The following TMEM39B variants were observed in gnomAD, a reference collection of about 807,000 sequenced individuals.
TMEM39B encodes the protein transmembrane protein 39B.
TMEM39B carries 23 observed loss-of-function variants against 52.2 expected under a neutral mutation model. The ratio of observed to expected loss-of-function variants is 0.44; its 90% CI spans 0.32 to 0.62. TMEM39B has a LOEUF of 0.62. TMEM39B is among the 20% of genes least tolerant of loss of function. TMEM39B has a pLI of 0.06. For missense variants in TMEM39B, 547 were observed against 642.0 expected, an observed-to-expected ratio of 0.85 and a Z score of 1.60; for synonymous variants, 285 against 264.0, an observed-to-expected ratio of 1.08 and a Z score of -0.77.
At chr1:32,079,967 C>T (rs552765165) in intron 5 of TMEM39B, among the ~76,000 whole-genome samples, 2 of 152,076 alleles carry the variant, frequency 1.3e-5, no homozygotes, top group South Asian at 4.2e-4. Context: ...TGGGGTTTCT[C>T]CATGTTGGTC....
rs574565497 is a variant in TMEM39B, at chr1:32,073,525, G to T, written c.4+474G>T. The T allele has an allele frequency of 3.0e-6, 3 of 998,438 alleles. No homozygotes were observed. In the African/African-American group the frequency reaches 5.2e-5, roughly 17 times the overall value. The allele number at this position is 998,438 out of a possible 1,614,324, so 61.8% of individuals were successfully genotyped here. On this transcript the variant is annotated intron_variant, in intron 1 of 8. Transcript: ENST00000336294. ...TATTGGCTTGTGGGCGGGGTTTCTG[G>T]GCTGACAGTTGTGTGTAGGCGGAGC...
At chr1:32,084,691 T>C (rs1260645729) in intron 5 of TMEM39B, among the ~76,000 whole-genome samples, 1 of 152,066 alleles carries the variant, frequency 6.6e-6, no homozygotes, top group Non-Finnish European at 1.5e-5. Context: ...TGCCTCAGCC[T>C]CCTGAGTAGC....
chr1:32,088,141 G>A (rs1278177224), intron 5 of TMEM39B, among the ~76,000 whole-genome samples: 1 of 129,782 alleles, frequency 7.7e-6, no homozygotes, highest in Non-Finnish European at 1.6e-5. Flanking sequence ...AAAAAAGCCA[G>A]GCACGGTGGC....
intron 1 of TMEM39B, 102 bp downstream of exon 1, chr1:32,073,153 G>A (rs1639704896): frequency 3.0e-6 from 4 of 1,334,038 alleles, no homozygotes; most frequent in East Asian, 3.1e-5. Flanking sequence ...GCCCGGTGAC[G>A]GGAGGGGGAG....
chr1:32,097,177 C>T (rs1320419691), intron 7 of TMEM39B, among the ~76,000 whole-genome samples: 1 of 152,038 alleles, frequency 6.6e-6, no homozygotes, highest in Non-Finnish European at 1.5e-5. Flanking sequence ...ACCCCTCATT[C>T]AAGATATAGA....
intron 5 of TMEM39B, among the ~76,000 whole-genome samples, chr1:32,083,572 G>A (rs529099081): frequency 2.6e-5 from 4 of 151,194 alleles, no homozygotes; most frequent in African/African-American, 7.3e-5. Flanking sequence ...ACACGCGCCC[G>A]CCACCACGCC....
intron 7 of TMEM39B, among the ~76,000 whole-genome samples, chr1:32,096,378 C>T (rs904956924): frequency 1.3e-5 from 2 of 151,384 alleles, no homozygotes; most frequent in Admixed American, 6.6e-5. Context: ...AGTTACCTGC[C>T]TGTCATTTCA....
At chr1:32,085,176 A>G (rs1640288087) in intron 5 of TMEM39B, among the ~76,000 whole-genome samples, 1 of 151,846 alleles carries the variant, frequency 6.6e-6, no homozygotes, top group Admixed American at 6.6e-5. Context: ...TTCCTTTGAT[A>G]TTTCTTTGAT....
chr1:32,073,114 C>T (rs1639703526), intron 1 of TMEM39B, 63 bp downstream of exon 1: 3 of 1,381,330 alleles, frequency 2.2e-6, no homozygotes, highest in Non-Finnish European at 2.8e-6. Context: ...GATGGCCAGG[C>T]TGCTAATTGC....
At chr1:32,099,132 A>G (rs1640922620) in intron 7 of TMEM39B, among the ~76,000 whole-genome samples, 1 of 151,662 alleles carries the variant, frequency 6.6e-6, no homozygotes, top group Admixed American at 6.6e-5. Context: ...AGGTGCCTAT[A>G]GTTCTGAGGC....
intron 4 of TMEM39B, 150 bp from the exon 5 acceptor site, chr1:32,077,014 A>G (rs985757895): frequency 8.0e-5 from 104 of 1,297,914 alleles, no homozygotes; most frequent in Non-Finnish European, 8.2e-5. Context: ...ACTGGGCATC[A>G]AAGAGAAGGA....
At chr1:32,085,311 TTGTA>T (rs1248584482) in intron 5 of TMEM39B, among the ~76,000 whole-genome samples, 1 of 152,072 alleles carries the variant, frequency 6.6e-6, no homozygotes, top group Non-Finnish European at 1.5e-5. Flanking sequence ...CTCTCTCTCT[TTGTA>T]TGTGCATTGC....
At position 32,091,711 on chromosome 1, in the gene TMEM39B, C is replaced by A; in HGVS notation, c.627C>A (p.Cys209Ter). The change falls in exon 6 of 9, where the codon TGC becomes TGA. Residue 209 changes from cysteine to a stop codon, truncating the protein, a stop_gained. Coordinates refer to ENST00000336294, the MANE Select transcript of TMEM39B (RefSeq NM_018056.4). LOFTEE classifies it high-confidence loss of function. The part of the protein sequence containing the change: ...GMYIPFLQLN[C>*]DLRKTSLFNH... ...ACATTCCGTTCCTGCAGCTGAATTG[C>A]GACCTCCGCAAGACAAGCCTCTTCA... 2 of 1,611,180 alleles carry A rather than the reference C, an allele frequency of 1.2e-6. No individual in the cohort carries two copies. The highest frequency in any genetic ancestry group is 1.7e-6 in the Non-Finnish European group (2 of 1,178,052).
intron 1 of TMEM39B, chr1:32,073,335 AC>A: frequency 2.4e-6 from 1 of 424,564 alleles, no homozygotes; most frequent in Non-Finnish European, 3.9e-6. Flanking sequence ...GGCGGGACTT[AC>A]CAGTGGGCGT....
chr1:32,079,721 G>A lies in TMEM39B; in HGVS notation c.590+2403G>A, dbSNP rs536168398. ...GCTGCCTCATTTTTTTAATGGCCTCGCAGTATTCTATGTTATAGAATTTTC... is the reference window on the plus strand; with the variant it reads ...GCTGCCTCATTTTTTTAATGGCCTCACAGTATTCTATGTTATAGAATTTTC... On this transcript the variant is annotated intron_variant, in intron 5 of 8. Transcript: ENST00000336294. Among the ~76,000 whole-genome samples, 40 of 151,814 alleles carry A rather than the reference G, an allele frequency of 2.6e-4. 1 individual carries two copies. In the Middle Eastern group the frequency reaches 0.01, roughly 39 times the overall value.
chr1:32,093,138 G>A (rs773495447), intron 6 of TMEM39B, among the ~76,000 whole-genome samples: 6 of 151,842 alleles, frequency 4.0e-5, no homozygotes, highest in Non-Finnish European at 7.4e-5. Context: ...TCGCTCTGTC[G>A]CCCAGGCTGG....
At chr1:32,082,814 G>A (rs1193838824) in intron 5 of TMEM39B, among the ~76,000 whole-genome samples, 4 of 147,296 alleles carry the variant, frequency 2.7e-5, no homozygotes, top group African/African-American at 5.0e-5. Context: ...TCGCTCTGTC[G>A]CCCAGGCTGT....
At chr1:32,077,988 C>T (rs536360705) in intron 5 of TMEM39B, among the ~76,000 whole-genome samples, 2 of 152,222 alleles carry the variant, frequency 1.3e-5, no homozygotes, top group South Asian at 2.1e-4. Context: ...GCTTCTGGGG[C>T]AGGCTGCTGG....
In TMEM39B at chr1:32,093,021, G is replaced by A. The variant is rs74460673; in HGVS notation, c.927+1010G>A. ...CAGATTTGAGTGATCCCAAAAGCCT[G>A]TGCTCTCTTTGTCCTAACCTCTCAG... On this transcript the variant is annotated intron_variant, in intron 6 of 8. Transcript: ENST00000336294. 1.4e-3 allele frequency among the ~76,000 whole-genome samples: 207 copies of A among 152,328 alleles called. 1 individual carries two copies. Among genetic ancestry groups the A allele is most frequent in the Non-Finnish European group, 2.5e-3 (167 of 68,026 alleles).
Sources: allele counts gnomAD v4.1 joint callset (sites outside exome capture counted in the v4.1 genomes callset), GRCh38; gene constraint gnomAD v4.1.1; transcripts MANE v1.5; gene names NCBI Gene and HGNC (gene_info 2026-07-23, HGNC 2026-07-21).